Variants in ADCK1 observed in about 807,000 individuals in gnomAD.
ADCK1 encodes aarF domain-containing protein kinase 1.
ADCK1 carries 41 observed loss-of-function variants against 52.3 expected under a neutral mutation model. That is an observed-to-expected ratio of 0.78 (90% confidence interval 0.61 to 1.02). The LOEUF (loss-of-function observed/expected upper bound fraction) is 1.02. Ranked by LOEUF, ADCK1 falls within the 50% of genes least tolerant of loss-of-function variation. The pLI is 0.00. For synonymous variants in ADCK1, 250 were observed against 274.6 expected, an observed-to-expected ratio of 0.91 and a Z score of 0.89; for missense variants, 658 against 679.5, an observed-to-expected ratio of 0.97 and a Z score of 0.35.
At chr14:77,822,912 TC>T (rs2081612710) in intron 3 of ADCK1, among the ~76,000 whole-genome samples, 1 of 152,138 alleles carries the variant, frequency 6.6e-6, no homozygotes, top group Non-Finnish European at 1.5e-5. Context: ...AGTGTGTGTT[TC>T]TGGGGAGTAC....
At chr14:77,880,216 C>T (rs1224130219) in intron 4 of ADCK1, among the ~76,000 whole-genome samples, 2 of 152,224 alleles carry the variant, frequency 1.3e-5, no homozygotes, top group Non-Finnish European at 2.9e-5. Context: ...CTTGGTCTGA[C>T]CTGTGATGCC....
intron 3 of ADCK1, among the ~76,000 whole-genome samples, chr14:77,835,309 C>G (rs2081938001): frequency 6.6e-6 from 1 of 152,122 alleles, no homozygotes; most frequent in South Asian, 2.1e-4. Flanking sequence ...TGATCATTGC[C>G]CAATTTCAAA....
At chr14:77,924,893 C>A (rs988351668) in intron 8 of ADCK1, among the ~76,000 whole-genome samples, 1 of 152,214 alleles carries the variant, frequency 6.6e-6, no homozygotes, top group African/African-American at 2.4e-5. Flanking sequence ...AGCCCCAGGC[C>A]AGCAAGGATC....
chr14:77,804,873 A>G (rs537565679), intron 1 of ADCK1, among the ~76,000 whole-genome samples: 189 of 152,254 alleles, frequency 1.2e-3, no homozygotes, highest in African/African-American at 4.3e-3. Context: ...GCCTTGTGCC[A>G]CAATGCAGAG....
chr14:77,867,236 C>T (rs2082680563), intron 4 of ADCK1, among the ~76,000 whole-genome samples: 1 of 152,174 alleles, frequency 6.6e-6, no homozygotes, highest in African/African-American at 2.4e-5. Context: ...TGGTCCTGAG[C>T]ACCACCTTTG....
At chr14:77,880,209 G>A (rs921486519) in intron 4 of ADCK1, among the ~76,000 whole-genome samples, 1 of 152,256 alleles carries the variant, frequency 6.6e-6, no homozygotes, top group Non-Finnish European at 1.5e-5. Context: ...AAAGAAGCTT[G>A]GTCTGACCTG....
chr14:77,897,474 T>C (rs950843167), intron 5 of ADCK1, among the ~76,000 whole-genome samples: 1 of 152,214 alleles, frequency 6.6e-6, no homozygotes, highest in Non-Finnish European at 1.5e-5. Flanking sequence ...TGGTATGCTG[T>C]GCACAGATCA....
At chr14:77,868,155 G>T (rs1416317874) in intron 4 of ADCK1, among the ~76,000 whole-genome samples, 1 of 152,214 alleles carries the variant, frequency 6.6e-6, no homozygotes, top group East Asian at 1.9e-4. Context: ...ATCACTCATG[G>T]GTTGTGAGGG....
At chr14:77,839,918 CAAAAAAAAAA>C (rs10581300) in intron 3 of ADCK1, among the ~76,000 whole-genome samples, 1 of 69,708 alleles carries the variant, frequency 1.4e-5, no homozygotes, top group Admixed American at 1.7e-4. Flanking sequence ...GACCCTGTCT[CAAAAAAAAAA>C]AAAAAAAAAA....
chr14:77,814,886 TA>T (rs908520644), intron 1 of ADCK1, among the ~76,000 whole-genome samples: 13 of 148,076 alleles, frequency 8.8e-5, no homozygotes, highest in African/African-American at 3.0e-4. Context: ...CTAAAAAAAT[TA>T]AAAAAAAATT....
chr14:77,913,258 C>T (rs945206304), intron 7 of ADCK1, among the ~76,000 whole-genome samples: 1 of 152,206 alleles, frequency 6.6e-6, no homozygotes, highest in Non-Finnish European at 1.5e-5. Context: ...GTTCAGGACT[C>T]CCCATACTGA....
intron 3 of ADCK1, among the ~76,000 whole-genome samples, chr14:77,827,105 G>A (rs948039179): frequency 2.0e-5 from 3 of 151,970 alleles, no homozygotes; most frequent in Admixed American, 1.3e-4. Context: ...TGTAATCCCA[G>A]CACTTTGGGA....
At chr14:77,926,827 C>T (rs774433270) in intron 9 of ADCK1, among the ~76,000 whole-genome samples, 7 of 152,176 alleles carry the variant, frequency 4.6e-5, no homozygotes, top group Non-Finnish European at 7.3e-5. Flanking sequence ...TCTGCTTGCA[C>T]GACAGAAGCT....
chr14:77,801,199 T>C (rs2081102276), intron 1 of ADCK1, among the ~76,000 whole-genome samples: 1 of 152,234 alleles, frequency 6.6e-6, no homozygotes, highest in South Asian at 2.1e-4. Context: ...AAGTTTCTGA[T>C]TCTGTAAGTC....
intron 3 of ADCK1, among the ~76,000 whole-genome samples, chr14:77,857,603 T>C (rs927627413): frequency 2.0e-5 from 3 of 152,228 alleles, no homozygotes; most frequent in Admixed American, 1.3e-4. Flanking sequence ...CTCTCTTACA[T>C]GTGGGAGCTA....
intron 9 of ADCK1, among the ~76,000 whole-genome samples, chr14:77,930,799 A>G (rs1330381845): frequency 1.3e-5 from 2 of 152,196 alleles, no homozygotes; most frequent in Non-Finnish European, 2.9e-5. Context: ...CATCATCATC[A>G]TATCTATGGA....
intron 1 of ADCK1, among the ~76,000 whole-genome samples, chr14:77,815,213 T>G (rs1193763701): frequency 6.6e-6 from 1 of 151,112 alleles, no homozygotes; most frequent in Non-Finnish European, 1.5e-5. Context: ...TTTTTTTTTT[T>G]TTTTCTTTAA....
At chr14:77,908,763 C>T (rs1347683282) in intron 7 of ADCK1, among the ~76,000 whole-genome samples, 1 of 152,136 alleles carries the variant, frequency 6.6e-6, no homozygotes, top group Admixed American at 6.6e-5. Context: ...GACCTAGTCC[C>T]CAGAGCTTAG....
At chr14:77,849,997 C>T (rs57583194) in intron 3 of ADCK1, among the ~76,000 whole-genome samples, 3,073 of 151,956 alleles carry the variant, frequency 0.02, 95 homozygotes, top group African/African-American at 0.07. Context: ...GCCTGGGCAA[C>T]ATAGTGAGAC....
Sources: allele counts gnomAD v4.1 joint callset (sites outside exome capture counted in the v4.1 genomes callset), GRCh38; gene constraint gnomAD v4.1.1; transcripts MANE v1.5; gene names NCBI Gene and HGNC (gene_info 2026-07-23, HGNC 2026-07-21).